The following ESCO1 variants were observed in gnomAD, a reference collection of about 807,000 sequenced individuals.
ESCO1 encodes the protein establishment of sister chromatid cohesion N-acetyltransferase 1.
ESCO1 carries 33 observed loss-of-function variants against 83.5 expected under a neutral mutation model. The ratio of observed to expected loss-of-function variants is 0.40; its 90% CI spans 0.30 to 0.53. ESCO1 has a LOEUF of 0.53. Among genes scored for constraint, ESCO1 ranks in the 20% least tolerant of loss-of-function variants. ESCO1 has a pLI of 0.63. For missense variants in ESCO1, 855 were observed against 968.0 expected (o/e 0.88, Z 1.55); for synonymous variants, 332 against 324.3 (o/e 1.02, Z -0.25).
At chr18:21,571,943 A>G (rs2038347114) in intron 4 of ESCO1, among the ~76,000 whole-genome samples, 1 of 152,244 alleles carries the variant, frequency 6.6e-6, no homozygotes, top group Non-Finnish European at 1.5e-5. Context: ...TCCCTTTAAG[A>G]AAAATAATAG....
intron 8 of ESCO1, among the ~76,000 whole-genome samples, chr18:21,545,217 G>GAGAC (rs1362473124): frequency 6.6e-6 from 1 of 152,132 alleles, no homozygotes; most frequent in Non-Finnish European, 1.5e-5. Context: ...TTACAGATGT[G>GAGAC]AGACACCATG....
intron 8 of ESCO1, among the ~76,000 whole-genome samples, chr18:21,547,353 G>GAAAAAAAAAAAAAAATAA (rs34904471): frequency 7.3e-6 from 1 of 136,586 alleles, no homozygotes; most frequent in African/African-American, 2.7e-5. Context: ...TTACAGATTT[G>GAAAAAAAAAAAAAAATAA]AAAAAAAAAA....
intron 8 of ESCO1, among the ~76,000 whole-genome samples, chr18:21,558,780 T>G (rs977817223): frequency 1.3e-5 from 2 of 151,998 alleles, no homozygotes; most frequent in Non-Finnish European, 2.9e-5. Flanking sequence ...TGTTTCTAAT[T>G]TATTCTATTT....
chr18:21,587,322 A>G (rs1477466817), intron 1 of ESCO1, among the ~76,000 whole-genome samples: 1 of 152,186 alleles, frequency 6.6e-6, no homozygotes, highest in Non-Finnish European at 1.5e-5. Context: ...TGAAAAGTCT[A>G]TGAAGGATTG....
chr18:21,584,977 T>TA (rs1236807208), intron 1 of ESCO1, among the ~76,000 whole-genome samples: 6 of 151,886 alleles, frequency 4.0e-5, no homozygotes, highest in Admixed American at 2.6e-4. Flanking sequence ...CCGTCTCTAC[T>TA]AAAAAAATAC....
At chr18:21,586,690 G>C (rs896580141) in intron 1 of ESCO1, among the ~76,000 whole-genome samples, 1 of 152,102 alleles carries the variant, frequency 6.6e-6, no homozygotes, top group Non-Finnish European at 1.5e-5. Context: ...CATCTGCAAA[G>C]AGAGAGAGTT....
rs35031202 is a variant in ESCO1, at chr18:21,540,013, GATATATAT to G, written c.1954-12_1954-5del. 151 of 1,257,450 alleles carry G rather than the reference GATATATAT, an allele frequency of 1.2e-4. 2 individuals carry two copies. In the South Asian group the frequency reaches 1.8e-3, roughly 15 times the overall value. 77.9% of individuals were successfully genotyped at this position (1,257,450 alleles called of 1,614,324 possible). A position where few individuals can be genotyped will look rare whatever the true frequency, so the allele number is the denominator to read the frequency against. On this transcript the variant is annotated splice_polypyrimidine_tract_variant and splice_region_variant and intron_variant, in intron 8 of 11. Coordinates refer to ENST00000269214, the MANE Select transcript of ESCO1 (RefSeq NM_052911.3). Reference sequence around the variant, plus strand: ...GAATTCTTTCTTTCTTCCAGCCCTAGATATATATATATATATATACACACATATGTAAA... The same window carrying G: ...GAATTCTTTCTTTCTTCCAGCCCTAGATATATATATACACACATATGTAAA...
chr18:21,574,682 T>C lies in ESCO1; in HGVS notation c.162A>G (p.Glu54=). The C allele has an allele frequency of 1.2e-6, 2 of 1,613,692 alleles. No individual in the cohort carries two copies. The highest frequency in any genetic ancestry group is 1.7e-6 in the Non-Finnish European group (2 of 1,180,006). ...CCAATTCTGGCTGATTTATTTTACT[T>C]TCACTGGAAGATTTAGCCTGTGATT... ...TIKSQAKSSS[E]SKINQPELET... is the part of the protein sequence containing the mutation. Residue 54 remains glutamate, a synonymous_variant, in exon 4 of 12, where the codon GAA becomes GAG. Transcript: ENST00000269214.
intron 1 of ESCO1, among the ~76,000 whole-genome samples, chr18:21,597,814 T>C (rs1009234140): frequency 3.9e-5 from 6 of 152,188 alleles, no homozygotes; most frequent in Non-Finnish European, 8.8e-5. Flanking sequence ...GCAGAGGATA[T>C]AAATCTTCCT....
At chr18:21,569,730 G>C (rs1176879145) in intron 4 of ESCO1, among the ~76,000 whole-genome samples, 1 of 152,140 alleles carries the variant, frequency 6.6e-6, no homozygotes, top group Non-Finnish European at 1.5e-5. Context: ...TGTGGTGGCG[G>C]TCCCAGTTAC....
intron 1 of ESCO1, among the ~76,000 whole-genome samples, chr18:21,591,983 G>A (rs530681224): frequency 0.02 from 3,103 of 151,690 alleles, 116 homozygotes; most frequent in African/African-American, 0.071. Context: ...CACAGGGTTG[G>A]GGGGTAAGGT....
intron 10 of ESCO1, 75 bp from the exon 11 acceptor site, chr18:21,532,735 G>A (rs569900139): frequency 1.1e-5 from 15 of 1,408,650 alleles, no homozygotes; most frequent in African/African-American, 1.4e-5. Context: ...TGGTTGAGGC[G>A]GTTATGACAT....
At chr18:21,535,201 C>T (rs1367309429) in intron 10 of ESCO1, among the ~76,000 whole-genome samples, 1 of 151,900 alleles carries the variant, frequency 6.6e-6, no homozygotes, top group Non-Finnish European at 1.5e-5. Context: ...CCAAAATAAA[C>T]TTTGATAGTA....
chr18:21,580,072 T>C (rs2038480539), intron 2 of ESCO1, among the ~76,000 whole-genome samples: 1 of 151,670 alleles, frequency 6.6e-6, no homozygotes, highest in Non-Finnish European at 1.5e-5. Flanking sequence ...ATGTTTTTTG[T>C]ATTTTTAGTA....
intron 8 of ESCO1, among the ~76,000 whole-genome samples, chr18:21,545,176 C>T (rs1363099008): frequency 2.0e-5 from 3 of 152,186 alleles, no homozygotes; most frequent in African/African-American, 7.2e-5. Flanking sequence ...CTCAAGCCAT[C>T]CTCCCACCTC....
At chr18:21,541,523 G>A (rs2037906390) in intron 8 of ESCO1, among the ~76,000 whole-genome samples, 1 of 151,094 alleles carries the variant, frequency 6.6e-6, no homozygotes, top group Non-Finnish European at 1.5e-5. Flanking sequence ...AACTCGGGAG[G>A]TGGAGGTTGC....
At chr18:21,566,102 G>A (rs145391889) in intron 6 of ESCO1, 44 bp downstream of exon 6, 22 of 1,568,310 alleles carry the variant, frequency 1.4e-5, no homozygotes, top group African/African-American at 8.1e-5. Context: ...CTCAAAACTT[G>A]TAAGTTAAAA....
rs540306979 is a variant in ESCO1 at position 21,584,331 on chromosome 18, C to T, written c.-715G>A. 3.0e-4 allele frequency: 45 copies of T among 151,550 alleles called. No individual in the cohort carries two copies. The highest frequency in any genetic ancestry group is 1.0e-3 in the African/African-American group (42 of 41,306). 9.4% of individuals were successfully genotyped at this position (151,550 alleles called of 1,614,324 possible). ...TTACCTTAAAGAAATAATATATCAC[C>T]TTTTTCTTCAAGTTGATTGATGAAT... On this transcript the variant is annotated 5_prime_UTR_variant, in exon 2 of 12. Coordinates refer to ENST00000269214, the MANE Select transcript of ESCO1 (RefSeq NM_052911.3).
At chr18:21,539,679 G>A (rs1322004841) in intron 9 of ESCO1, among the ~76,000 whole-genome samples, 2 of 152,010 alleles carry the variant, frequency 1.3e-5, no homozygotes, top group African/African-American at 4.8e-5. Context: ...GTGAAACCCT[G>A]TCTCTACTAA....
Sources: allele counts gnomAD v4.1 joint callset (sites outside exome capture counted in the v4.1 genomes callset), GRCh38; gene constraint gnomAD v4.1.1; transcripts MANE v1.5; gene names NCBI Gene and HGNC (gene_info 2026-07-23, HGNC 2026-07-21).